The following ITGAX variants were observed in gnomAD, a reference collection of about 807,000 sequenced individuals.
ITGAX encodes integrin subunit alpha X, also known as integrin alpha-X.
In ITGAX, 99 loss-of-function variants were observed where a neutral mutation model predicts 140.2. The ratio of observed to expected loss-of-function variants is 0.71; its 90% confidence interval spans 0.60 to 0.83. The LOEUF (loss-of-function observed/expected upper bound fraction) is 0.83, where lower values mean the gene tolerates loss of function less well. ITGAX is among the 40% of genes least tolerant of loss of function. The pLI is 0.00. For synonymous variants in ITGAX, 631 were observed against 600.4 expected, an observed-to-expected ratio of 1.05 and a Z score of -0.75; for missense variants, 1,444 against 1,482.0, an observed-to-expected ratio of 0.97 and a Z score of 0.42.
chr16:31,363,292 C>A lies in ITGAX; in HGVS notation c.1628C>A (p.Ala543Asp), dbSNP rs1226128946. ...AAGCTGACAGACGTGGTCATCGGGG[C>A]CCCAGGAGAGGAGGAGAACCGGGGT... ...GDKLTDVVIG[A>D]PGEEENRGAV... Residue 543 changes from alanine (A) to aspartate (D), a missense_variant, in exon 14 of 30, where the codon GCC (alanine) becomes GAC (aspartate). Coordinates refer to ENST00000268296, the MANE Select transcript of ITGAX (RefSeq NM_000887.5). 2 of 1,613,944 alleles carry A rather than the reference C, an allele frequency of 1.2e-6. No individual in the cohort carries two copies. The highest frequency in any genetic ancestry group is 2.2e-5 in the South Asian group (2 of 91,074).
intron 14 of ITGAX, among the ~76,000 whole-genome samples, chr16:31,369,399 C>A (rs2080932326): frequency 6.6e-6 from 1 of 152,256 alleles, no homozygotes; most frequent in African/African-American, 2.4e-5. Context: ...CGGACGACTC[C>A]AACTTTCAAA....
intron 4 of ITGAX, 30 bp downstream of exon 4, chr16:31,357,131 T>TGAGG (rs745409254): frequency 1.3e-6 from 2 of 1,597,452 alleles, no homozygotes; most frequent in Non-Finnish European, 1.7e-6. Flanking sequence ...AGGAGGCTTC[T>TGAGG]GAGGGAGGGA....
rs138870164 is a variant in ITGAX at position 31,361,170 on chromosome 16, A to G, written c.969A>G (p.Lys323=). 42 of 1,613,838 alleles carry G rather than the reference A, an allele frequency of 2.6e-5. No homozygotes were observed. Among genetic ancestry groups the G allele is most frequent in the African/African-American group, 1.9e-4 (14 of 75,046 alleles). The change falls in exon 9 of 30, where the codon AAA becomes AAG. Residue 323 remains lysine (K), a synonymous_variant. Coordinates refer to ENST00000268296, the MANE Select transcript of ITGAX (RefSeq NM_000887.5). ...IFKVEDFDAL[K]DIQNQLKEKI... ...AAGTGGAGGACTTTGATGCTCTGAA[A>G]GATATTCAAAACCAACTGAAGGAGA...
intron 14 of ITGAX, among the ~76,000 whole-genome samples, chr16:31,369,180 G>T (rs1200499900): frequency 4.0e-5 from 6 of 151,680 alleles, no homozygotes; most frequent in Non-Finnish European, 7.4e-5. Flanking sequence ...CCCAGTAGGG[G>T]CGGCCGGGCA....
At chr16:31,365,751 C>A (rs376073175) in intron 14 of ITGAX, among the ~76,000 whole-genome samples, 1 of 152,256 alleles carries the variant, frequency 6.6e-6, no homozygotes, top group South Asian at 2.1e-4. Flanking sequence ...GGGGAAACCC[C>A]GTCTCTACCC....
chr16:31,356,089 C>A, intron 2 of ITGAX, 91 bp downstream of exon 2: 1 of 878,342 alleles, frequency 1.1e-6, no homozygotes, highest in Non-Finnish European at 1.8e-6. Flanking sequence ...TATTTGCAAA[C>A]TCTCCTCTCT....
chr16:31,358,115 G>T (rs942396990), intron 5 of ITGAX: 2 of 152,208 alleles, frequency 1.3e-5, no homozygotes, highest in African/African-American at 4.8e-5. Context: ...ATCCACAGGG[G>T]CCTGGGCACC....
chr16:31,361,793 C>G (rs1288573150), intron 9 of ITGAX, 43 bp from the exon 10 acceptor site: 2 of 1,600,306 alleles, frequency 1.2e-6, no homozygotes, highest in Non-Finnish European at 1.7e-6. Flanking sequence ...CCTGGCAAAG[C>G]CCGTCTCCCT....
rs755392604 is a variant in ITGAX, at chr16:31,360,398, A to G, written c.796A>G (p.Ser266Gly). Residue 266 changes from serine (S) to glycine (G), a missense_variant, in exon 8 of 30, where the codon AGC (serine) becomes GGC (glycine). By Grantham distance (56) the Ser-to-Gly change is moderately conservative. Coordinates refer to ENST00000268296, the MANE Select transcript of ITGAX (RefSeq NM_000887.5). ...VITDGKKEGD[S>G]LDYKDVIPMA... Reference sequence around the variant, plus strand: ...CACTGATGGGAAGAAAGAAGGCGACAGCCTGGATTATAAGGATGTCATCCC... The same window carrying G: ...CACTGATGGGAAGAAAGAAGGCGACGGCCTGGATTATAAGGATGTCATCCC... 1.2e-6 allele frequency: 2 copies of G among 1,614,008 alleles called. No homozygotes were observed.
chr16:31,356,799 C>T lies in ITGAX; in HGVS notation c.247+71C>T, dbSNP rs376435369. The T allele has an allele frequency of 5.6e-5, 64 of 1,149,152 alleles. No individual in the cohort carries two copies. In the South Asian group the frequency reaches 8.1e-4, roughly 15 times the overall value. The allele number at this position is 1,149,152 out of a possible 1,614,324, so 71.2% of individuals were successfully genotyped here. On this transcript the variant is annotated intron_variant, in intron 3 of 29. Transcript: ENST00000268296. ...TCCCTGCTCCAGGGGCCCGTGGACT[C>T]ACCGGAGTGTCACTTTCAGCTTCCA...
intron 20 of ITGAX, among the ~76,000 whole-genome samples, chr16:31,375,036 G>A (rs2081007035): frequency 6.6e-6 from 1 of 150,614 alleles, no homozygotes. Flanking sequence ...TTCTTTCCTT[G>A]AGAGGGTCTT....
At chr16:31,377,156 C>G in intron 22 of ITGAX, 26 bp from the exon 23 acceptor site, 3 of 1,612,612 alleles carry the variant, frequency 1.9e-6, no homozygotes, top group Non-Finnish European at 2.5e-6. Flanking sequence ...GGGCCTCTGG[C>G]AACTGAGTCT....
intron 14 of ITGAX, among the ~76,000 whole-genome samples, chr16:31,369,147 C>A (rs2080925777): frequency 6.6e-6 from 1 of 152,140 alleles, no homozygotes; most frequent in African/African-American, 2.4e-5. Flanking sequence ...GGGGTGGTGG[C>A]CGGGCAGAGG....
chr16:31,380,378 A>G lies in ITGAX; in HGVS notation c.3173A>G (p.Gln1058Arg). Reference sequence around the variant, plus strand: ...AACCTCAGCTTTGGCTGGGTCCGCCAGGTGTGTGGGTGCAACGACAGAGCC... The same window carrying G: ...AACCTCAGCTTTGGCTGGGTCCGCCGGGTGTGTGGGTGCAACGACAGAGCC... ...KGNLSFGWVR[Q>R]ILQKKVSVVS... Residue 1058 changes from glutamine (Q) to arginine (R), a missense_variant and splice_region_variant, in exon 27 of 30, where the codon CAG (glutamine) becomes CGG (arginine). Physicochemically the swap from Gln to Arg is conservative, Grantham distance 43. Transcript: ENST00000268296. 1.2e-6 allele frequency: 2 copies of G among 1,613,940 alleles called. No individual in the cohort carries two copies. Among genetic ancestry groups the G allele is most frequent in the Non-Finnish European group, 1.7e-6 (2 of 1,179,924 alleles).
chr16:31,378,056 C>G (rs2081035958), intron 23 of ITGAX, among the ~76,000 whole-genome samples: 1 of 152,140 alleles, frequency 6.6e-6, no homozygotes, highest in African/African-American at 2.4e-5. Flanking sequence ...GTGTGATGGT[C>G]CCAGCTGCCC....
At chr16:31,379,427 C>A in intron 23 of ITGAX, 141 bp from the exon 24 acceptor site, 1 of 804,372 alleles carries the variant, frequency 1.2e-6, no homozygotes, top group Non-Finnish European at 2.0e-6. Flanking sequence ...TCTAAACTCT[C>A]TTATAACCTA....
chr16:31,375,305 G>A lies in ITGAX; in HGVS notation c.2509-1494G>A, dbSNP rs181895781. Among the ~76,000 whole-genome samples the A allele has an allele frequency of 2.4e-4, 37 of 152,174 alleles. No homozygotes were observed. The East Asian group carries it at 5.6e-3, about 23-fold the overall frequency. On this transcript the variant is annotated intron_variant, in intron 20 of 29. Coordinates refer to ENST00000268296, the MANE Select transcript of ITGAX (RefSeq NM_000887.5). The stretch of plus-strand genomic sequence containing the variant: ...TACTAGGATTACAGGCGTAAGCCAC[G>A]GAGCCTAGCCCAGGAGTGGGTTTCT...
Position 31,371,225 on chromosome 16 carries a change from C to A in ITGAX, c.1841+11C>A, listed in dbSNP as rs1238271889. ...GGTGCTCCTGCTCAGGTGAGAGCAG[C>A]CTTTCTCAGAGGCTCCCCAGGTGGT... On this transcript the variant is annotated intron_variant, in intron 15 of 29. Coordinates refer to ENST00000268296, the MANE Select transcript of ITGAX (RefSeq NM_000887.5). 1.9e-6 allele frequency: 3 copies of A among 1,603,820 alleles called. No homozygotes were observed. The highest frequency in any genetic ancestry group is 2.2e-5 in the East Asian group (1 of 44,764).
Position 31,378,413 on chromosome 16 carries a change from C to T in ITGAX, c.2789+1148C>T, listed in dbSNP as rs547613720. Among the ~76,000 whole-genome samples, 14 of 152,216 alleles carry T rather than the reference C, an allele frequency of 9.2e-5. No individual in the cohort carries two copies. In the South Asian group the frequency reaches 2.3e-3, roughly 25 times the overall value. On this transcript the variant is annotated intron_variant, in intron 23 of 29. Coordinates refer to ENST00000268296, the MANE Select transcript of ITGAX (RefSeq NM_000887.5). ...GAGCTCTCTGCTCCGTTCATTGTACCGACTACCCGGCCCCACTGGCAGCCT... is the reference window on the plus strand; with the variant it reads ...GAGCTCTCTGCTCCGTTCATTGTACTGACTACCCGGCCCCACTGGCAGCCT...
Sources: gnomAD v4.1 joint callset for allele counts (sites outside exome capture counted in the v4.1 genomes callset) on GRCh38, gnomAD v4.1.1 for gene constraint, MANE v1.5 for transcripts, NCBI Gene and HGNC (gene_info 2026-07-23, HGNC 2026-07-21) for gene names.